Variants in GAPVD1 observed in about 807,000 individuals in gnomAD.
GAPVD1 encodes the protein GTPase-activating protein and VPS9 domain-containing protein 1.
A neutral mutation model predicts 155.5 loss-of-function variants in GAPVD1; 35 were observed. That is an observed-to-expected ratio of 0.23 (90% CI 0.17 to 0.30). The LOEUF is 0.30. Ranked by LOEUF, GAPVD1 falls within the 10% of genes least tolerant of loss-of-function variation. The pLI is 1.00. For missense variants in GAPVD1, 1,429 were observed against 1,775.7 expected (o/e 0.80, Z 3.51); for synonymous variants, 636 against 619.7 (o/e 1.03, Z -0.39).
chr9:125,293,832 T>A lies in GAPVD1; in HGVS notation c.-149-1626T>A, dbSNP rs1183992516. On this transcript the variant is annotated intron_variant, in intron 2 of 27. Coordinates refer to ENST00000297933, the MANE Select transcript of GAPVD1 (RefSeq NM_001282680.3). Reference sequence around the variant, plus strand: ...TATTTATATATGAAATATAAAAAAATATATATATAAAAATATATTTTATAT... The same window carrying A: ...TATTTATATATGAAATATAAAAAAAAATATATATAAAAATATATTTTATAT... 1.9e-3 allele frequency among the ~76,000 whole-genome samples: 218 copies of A among 116,116 alleles called. 2 individuals are homozygous for A. Among genetic ancestry groups the A allele is most frequent in the Middle Eastern group, 8.3e-3 (2 of 240 alleles). The allele number at this position is 116,116 out of a possible 152,430, so 76.2% of individuals were successfully genotyped here. A position where few individuals can be genotyped will look rare whatever the true frequency, so the allele number is the denominator to read the frequency against.
rs114702948 is a variant in GAPVD1, at chr9:125,327,482, T to C, written c.2032+893T>C. ...TTTGCCACCCAGGTAGTGAGCATAG[T>C]AACCAATAGGTTTTTTTTTGTTTTT... is the stretch of plus-strand genomic sequence containing the variant. On this transcript the variant is annotated intron_variant, in intron 12 of 27. Coordinates refer to ENST00000297933, the MANE Select transcript of GAPVD1 (RefSeq NM_001282680.3). 9.5e-3 allele frequency among the ~76,000 whole-genome samples: 1,447 copies of C among 152,228 alleles called. 26 individuals carry two copies. The highest frequency in any genetic ancestry group is 0.033 in the African/African-American group (1,373 of 41,560).
intron 9 of GAPVD1, among the ~76,000 whole-genome samples, chr9:125,314,003 A>G (rs1843024639): frequency 6.6e-6 from 1 of 152,222 alleles, no homozygotes; most frequent in South Asian, 2.1e-4. Flanking sequence ...CTTCACATTA[A>G]TACATCTGTG....
chr9:125,355,956 T>G, intron 25 of GAPVD1, 99 bp downstream of exon 25: 1 of 696,300 alleles, frequency 1.4e-6, no homozygotes, highest in Non-Finnish European at 2.6e-6. Flanking sequence ...AGTGTCTGAT[T>G]GTAAAAGGAA....
At chr9:125,339,826 C>G (rs1388735529) in intron 17 of GAPVD1, among the ~76,000 whole-genome samples, 1 of 152,220 alleles carries the variant, frequency 6.6e-6, no homozygotes, top group Non-Finnish European at 1.5e-5. Context: ...CATCAGTTCT[C>G]CTGTATGTAT....
Position 125,302,241 on chromosome 9 carries a change from C to T in GAPVD1, c.444C>T (p.Tyr148=). The T allele has an allele frequency of 6.2e-7, 1 of 1,614,018 alleles. No homozygotes were observed. The highest frequency in any genetic ancestry group is 8.5e-7 in the Non-Finnish European group (1 of 1,179,920). The change falls in exon 5 of 28, where the codon TAC becomes TAT. Residue 148 remains tyrosine, a synonymous_variant. Transcript: ENST00000297933. ...GNCIMQEDES[Y]LLQVLRYLIE... is the part of the protein sequence containing the mutation. ...GCATCATGCAAGAAGATGAAAGCTA[C>T]CTCCTTCAGGTTTTGCGATACTTGA...
chr9:125,335,999 CAT>C (rs1330433729), intron 15 of GAPVD1, among the ~76,000 whole-genome samples: 1 of 151,194 alleles, frequency 6.6e-6, no homozygotes, highest in Non-Finnish European at 1.5e-5. Flanking sequence ...CAAAAAATAA[CAT>C]AAAAATTAGC....
In GAPVD1 at chr9:125,301,963, C is replaced by CTTTT. The variant is rs397893733; in HGVS notation, c.186-6_186-3dup. ...AATACTATTATTTTGCTTGTTTGCT[C>CTTTT]TTTTTTTTTTTTTTTTTAGTGCTGA... On this transcript the variant is annotated intron_variant, in intron 4 of 27. Transcript: ENST00000297933. The CTTTT allele has an allele frequency of 4.6e-5, 64 of 1,394,568 alleles. No homozygotes were observed. The highest frequency in any genetic ancestry group is 2.3e-4 in the Admixed American group (9 of 38,314). The allele number at this position is 1,394,568 out of a possible 1,614,324, so 86.4% of individuals were successfully genotyped here.
chr9:125,280,168 G>A (rs1175399006), intron 2 of GAPVD1, among the ~76,000 whole-genome samples: 2 of 151,212 alleles, frequency 1.3e-5, no homozygotes, highest in East Asian at 2.0e-4. Flanking sequence ...ACTCCAAGGC[G>A]GGTGGCTCAC....
intron 25 of GAPVD1, among the ~76,000 whole-genome samples, chr9:125,356,351 C>T (rs557703458): frequency 6.6e-6 from 1 of 152,286 alleles, no homozygotes; most frequent in East Asian, 1.9e-4. Context: ...GGAGGCTGTC[C>T]TGTGCATTAT....
At chr9:125,264,160 G>T in intron 1 of GAPVD1, 1 of 675,812 alleles carries the variant, frequency 1.5e-6, no homozygotes, top group Non-Finnish European at 2.7e-6. Context: ...TCATAATCAG[G>T]GAGATAAAAA....
At chr9:125,327,139 G>A (rs370726827) in intron 12 of GAPVD1, among the ~76,000 whole-genome samples, 4 of 151,068 alleles carry the variant, frequency 2.6e-5, no homozygotes, top group African/African-American at 7.3e-5. Flanking sequence ...ACAGGATTTC[G>A]CTTTGTTGCT....
intron 9 of GAPVD1, among the ~76,000 whole-genome samples, chr9:125,317,974 C>G (rs1283555547): frequency 6.6e-6 from 1 of 152,066 alleles, no homozygotes; most frequent in Non-Finnish European, 1.5e-5. Context: ...GTCTCAGGAG[C>G]AGAAAGATTA....
At chr9:125,296,057 A>G (rs907191810) in intron 3 of GAPVD1, among the ~76,000 whole-genome samples, 1 of 152,260 alleles carries the variant, frequency 6.6e-6, no homozygotes, top group African/African-American at 2.4e-5. Flanking sequence ...TAGCACAGCG[A>G]TCATTATATA....
chr9:125,290,963 G>C (rs1201491319), intron 2 of GAPVD1, among the ~76,000 whole-genome samples: 1 of 144,148 alleles, frequency 6.9e-6, no homozygotes, highest in Non-Finnish European at 1.5e-5. Context: ...CTACACTCCA[G>C]CCTGGGCAAC....
intron 2 of GAPVD1, among the ~76,000 whole-genome samples, chr9:125,293,099 G>A (rs1006202839): frequency 2.0e-5 from 3 of 152,170 alleles, no homozygotes; most frequent in East Asian, 1.9e-4. Context: ...CAATTCAAAA[G>A]GAAAGGACCA....
intron 13 of GAPVD1, 34 bp from the exon 14 acceptor site, chr9:125,331,892 C>G: frequency 6.2e-7 from 1 of 1,609,240 alleles, no homozygotes; most frequent in East Asian, 2.2e-5. Flanking sequence ...CTAAGAGAAT[C>G]ACAAATGTAA....
chr9:125,293,824 TAAAA>T (rs1158357367), intron 2 of GAPVD1, among the ~76,000 whole-genome samples: 1 of 118,428 alleles, frequency 8.4e-6, no homozygotes, highest in African/African-American at 3.2e-5. Context: ...ATATGAAATA[TAAAA>T]AAATATATAT....
intron 10 of GAPVD1, among the ~76,000 whole-genome samples, chr9:125,321,801 A>G (rs1203035845): frequency 1.3e-5 from 2 of 152,214 alleles, no homozygotes; most frequent in Non-Finnish European, 2.9e-5. Context: ...TTCAGACTTA[A>G]ATAGAATAAC....
At chr9:125,308,432 CAAT>C (rs1842189560) in intron 8 of GAPVD1, 1 of 151,788 alleles carries the variant, frequency 6.6e-6, no homozygotes, top group African/African-American at 2.4e-5. Context: ...AAGTTTCCAT[CAAT>C]AAAGTGGAAA....
Sources: allele counts gnomAD v4.1 joint callset (sites outside exome capture counted in the v4.1 genomes callset), GRCh38; gene constraint gnomAD v4.1.1; transcripts MANE v1.5; gene names NCBI Gene and HGNC (gene_info 2026-07-23, HGNC 2026-07-21).